The following CHAT variants were observed in gnomAD, a reference collection of about 807,000 sequenced individuals.
CHAT encodes the protein choline O-acetyltransferase.
CHAT carries 61 observed loss-of-function variants against 76.9 expected under a neutral mutation model. The observed-to-expected ratio is 0.79, with a 90% CI of 0.65 to 0.98. The LOEUF is 0.98. CHAT is among the 50% of genes least tolerant of loss of function. The pLI is 0.00. For synonymous variants in CHAT, 407 were observed against 397.4 expected, an observed-to-expected ratio of 1.02 and a Z score of -0.29; for missense variants, 946 against 986.9, an observed-to-expected ratio of 0.96 and a Z score of 0.56.
rs940478914 is a variant in CHAT at position 49,665,117 on chromosome 10, G to A, written c.*71G>A. The A allele has an allele frequency of 2.0e-5, 31 of 1,549,172 alleles. No homozygotes were observed. Among genetic ancestry groups the A allele is most frequent in the African/African-American group, 6.8e-5 (5 of 73,594 alleles). On this transcript the variant is annotated 3_prime_UTR_variant, in exon 15 of 15. Coordinates refer to ENST00000337653, the MANE Select transcript of CHAT (RefSeq NM_020549.5). ...CCAGACCCTGCAGATCCCCACTCCC[G>A]TCCCTTACCCCAGCTTTCCACAGCT... is the stretch of plus-strand genomic sequence containing the variant.
chr10:49,622,620 T>C lies in CHAT; in HGVS notation c.752+470T>C, dbSNP rs376082351. ...GGCTGCTCAAGCACCGCAGGCTCTC[T>C]TTGATTTTAGGAAGAAAGTCCCTCT... is the stretch of plus-strand genomic sequence containing the variant. On this transcript the variant is annotated intron_variant, in intron 5 of 14. Coordinates refer to ENST00000337653, the MANE Select transcript of CHAT (RefSeq NM_020549.5). Among the ~76,000 whole-genome samples, 25 of 152,292 alleles carry C rather than the reference T, an allele frequency of 1.6e-4. No homozygotes were observed. The East Asian group carries it at 4.1e-3, about 25-fold the overall frequency.
intron 7 of CHAT, among the ~76,000 whole-genome samples, chr10:49,641,193 T>C (rs1282607749): frequency 6.6e-6 from 1 of 152,200 alleles, no homozygotes; most frequent in Admixed American, 6.5e-5. Flanking sequence ...TTTAACTTTA[T>C]CTCTGTAAAG....
At chr10:49,612,255 T>A, upstream of CHAT, 1 of 1,610,446 alleles carries the variant, frequency 6.2e-7, no homozygotes, top group Non-Finnish European at 8.5e-7. Context: ...GTCCTGTGTC[T>A]GGCCAGGACG....
At chr10:49,621,642 T>C (rs1590565163) in intron 4 of CHAT, among the ~76,000 whole-genome samples, 1 of 152,246 alleles carries the variant, frequency 6.6e-6, no homozygotes, top group Non-Finnish European at 1.5e-5. Context: ...GACCCAGGGC[T>C]GGCTTTTCCA....
chr10:49,609,751 C>A (rs1590540505), upstream of CHAT, among the ~76,000 whole-genome samples: 1 of 152,148 alleles, frequency 6.6e-6, no homozygotes, highest in Non-Finnish European at 1.5e-5. Context: ...TGCAAGGGGC[C>A]AGGGGGCGGA....
chr10:49,651,267 C>T (rs527544121), intron 10 of CHAT, among the ~76,000 whole-genome samples: 1 of 151,932 alleles, frequency 6.6e-6, no homozygotes, highest in Non-Finnish European at 1.5e-5. Context: ...CTGGCCCCAC[C>T]GAGAGCTGAG....
At chr10:49,649,163 T>C (rs1240696910) in intron 9 of CHAT, among the ~76,000 whole-genome samples, 1 of 152,200 alleles carries the variant, frequency 6.6e-6, no homozygotes, top group African/African-American at 2.4e-5. Flanking sequence ...CCAAGCCTAG[T>C]AGGCACAAAC....
intron 13 of CHAT, among the ~76,000 whole-genome samples, chr10:49,655,872 G>A (rs1190639910): frequency 1.3e-5 from 2 of 152,208 alleles, no homozygotes; most frequent in South Asian, 2.1e-4. Context: ...CTCATTCTCT[G>A]TATATTCATT....
Position 49,616,512 on chromosome 10 carries a change from C to T in CHAT, c.297C>T (p.Leu99=). Residue 99 remains leucine (L), a synonymous_variant, in exon 2 of 15, where the codon CTC becomes CTT. Coordinates refer to ENST00000337653, the MANE Select transcript of CHAT (RefSeq NM_020549.5). ...CTTCTTGGTCCCCAGGTCCACACCT[C>T]TGCATCCCTGCACCAGGACTCACCA... is the stretch of plus-strand genomic sequence containing the variant. ...AAEPRRAGPH[L]CIPAPGLTKT... 6.2e-7 allele frequency: 1 copy of T among 1,612,170 alleles called. No individual in the cohort carries two copies. The highest frequency in any genetic ancestry group is 8.5e-7 in the Non-Finnish European group (1 of 1,179,086).
chr10:49,636,795 A>G (rs1366747056), intron 7 of CHAT, among the ~76,000 whole-genome samples: 1 of 152,216 alleles, frequency 6.6e-6, no homozygotes, highest in Non-Finnish European at 1.5e-5. Context: ...GATTTTTCAC[A>G]CAAAAAAATT....
chr10:49,619,448 C>T (rs932710358), intron 2 of CHAT, among the ~76,000 whole-genome samples: 9 of 152,196 alleles, frequency 5.9e-5, no homozygotes, highest in Non-Finnish European at 1.2e-4. Flanking sequence ...TGGTCAGTGG[C>T]AGGGTCAGGG....
chr10:49,647,738 G>GC (rs1839719185), intron 8 of CHAT, among the ~76,000 whole-genome samples: 1 of 146,360 alleles, frequency 6.8e-6, no homozygotes, highest in African/African-American at 2.6e-5. Context: ...AAAAGACACC[G>GC]CTTTCCTTCC....
intron 8 of CHAT, chr10:49,648,023 G>A: frequency 4.9e-6 from 1 of 206,170 alleles, no homozygotes; most frequent in Non-Finnish European, 9.8e-6. Context: ...ACTGGGGGCG[G>A]GAGGGGAGGG....
intron 11 of CHAT, among the ~76,000 whole-genome samples, chr10:49,653,445 A>T (rs368300988): frequency 6.6e-6 from 1 of 152,102 alleles, no homozygotes; most frequent in East Asian, 1.9e-4. Flanking sequence ...TCAGTTTGCA[A>T]CTTCCATGAA....
Position 49,666,937 on chromosome 10 carries a change from G to A in CHAT, c.*1891G>A, listed in dbSNP as rs145378561. ...ACAGTGCAGATCTGAGTTCTCCTCC[G>A]GTTCCTTTCCCTCCATGGATTTCTG... is the stretch of plus-strand genomic sequence containing the variant. On this transcript the variant is annotated 3_prime_UTR_variant, in exon 15 of 15. Coordinates refer to ENST00000337653, the MANE Select transcript of CHAT (RefSeq NM_020549.5). Among the ~76,000 whole-genome samples, 4 of 152,200 alleles carry A rather than the reference G, an allele frequency of 2.6e-5. No homozygotes were observed. The highest frequency in any genetic ancestry group is 5.9e-5 in the Non-Finnish European group (4 of 68,008).
At chr10:49,636,191 TA>T (rs1420674913) in intron 7 of CHAT, among the ~76,000 whole-genome samples, 1 of 152,218 alleles carries the variant, frequency 6.6e-6, no homozygotes, top group Non-Finnish European at 1.5e-5. Context: ...TCCCTTCTGG[TA>T]CTAGTTCAAT....
At chr10:49,614,523 A>G (rs1260203957) in intron 1 of CHAT, 48 bp downstream of exon 1, 12 of 1,487,082 alleles carry the variant, frequency 8.1e-6, no homozygotes, top group Admixed American at 4.0e-5. Flanking sequence ...TGCCGGGAGC[A>G]AGGGCGGCGG....
chr10:49,647,853 C>T, intron 8 of CHAT: 1 of 155,028 alleles, frequency 6.5e-6, no homozygotes, highest in Non-Finnish European at 1.4e-5. Context: ...GGGGTGGGTG[C>T]AGCCCTCTCC....
At chr10:49,657,887 T>G (rs1840080842) in intron 13 of CHAT, among the ~76,000 whole-genome samples, 1 of 152,240 alleles carries the variant, frequency 6.6e-6, no homozygotes, top group Non-Finnish European at 1.5e-5. Flanking sequence ...AGAACCATTT[T>G]AATATTGAAG....
Sources: gnomAD v4.1 joint callset for allele counts (sites outside exome capture counted in the v4.1 genomes callset) on GRCh38, gnomAD v4.1.1 for gene constraint, MANE v1.5 for transcripts, NCBI Gene and HGNC (gene_info 2026-07-23, HGNC 2026-07-21) for gene names.